ADK: variants seen among roughly 807,000 people sequenced by gnomAD.
ADK encodes the protein N6,N6-dimethyladenosine kinase.
In ADK, 24 loss-of-function variants were observed where a neutral mutation model predicts 44.7. That is an observed-to-expected ratio of 0.54 (90% CI 0.39 to 0.76). The LOEUF (loss-of-function observed/expected upper bound fraction) is 0.76, where lower values mean the gene tolerates loss of function less well. ADK is among the 30% of genes least tolerant of loss of function. The pLI is 0.00. For missense variants in ADK, 321 were observed against 425.1 expected (o/e 0.76, Z 2.15); for synonymous variants, 128 against 142.6 (o/e 0.90, Z 0.73).
At chr10:74,499,633 A>T (rs1847822180) in intron 6 of ADK, among the ~76,000 whole-genome samples, 1 of 152,056 alleles carries the variant, frequency 6.6e-6, no homozygotes, top group South Asian at 2.1e-4. Context: ...GCTTGCAGTG[A>T]GCAGAGATCG....
intron 4 of ADK, among the ~76,000 whole-genome samples, chr10:74,363,348 C>T (rs763762144): frequency 4.6e-5 from 7 of 152,144 alleles, no homozygotes; most frequent in Non-Finnish European, 7.4e-5. Context: ...GTGTGCATCG[C>T]CCTGAATGTT....
intron 6 of ADK, among the ~76,000 whole-genome samples, chr10:74,411,499 G>T (rs115289572): frequency 0.014 from 2,147 of 152,296 alleles, 62 homozygotes; most frequent in African/African-American, 0.046. Context: ...ACTCTCAAGT[G>T]TGTGGTAGCA....
chr10:74,669,856 C>T (rs1855105659), intron 9 of ADK, among the ~76,000 whole-genome samples: 1 of 152,154 alleles, frequency 6.6e-6, no homozygotes, highest in Admixed American at 6.5e-5. Flanking sequence ...ACCAACACTT[C>T]CTTTAGTTTA....
chr10:74,325,290 T>C (rs1407372306), intron 4 of ADK, among the ~76,000 whole-genome samples: 1 of 152,216 alleles, frequency 6.6e-6, no homozygotes. Context: ...TTTTTTCAGA[T>C]AGTTTGTGGT....
At chr10:74,517,707 G>A (rs1431782792) in intron 6 of ADK, among the ~76,000 whole-genome samples, 1 of 150,094 alleles carries the variant, frequency 6.7e-6, no homozygotes, top group Non-Finnish European at 1.5e-5. Context: ...AAAAAAAAGA[G>A]TAAAAGATAT....
intron 7 of ADK, among the ~76,000 whole-genome samples, chr10:74,584,372 G>C (rs959891395): frequency 5.3e-5 from 8 of 152,170 alleles, no homozygotes; most frequent in African/African-American, 1.9e-4. Flanking sequence ...TTGATGTACT[G>C]AGTGACTGGC....
At chr10:74,675,007 A>G (rs1253309454) in intron 10 of ADK, among the ~76,000 whole-genome samples, 2 of 152,134 alleles carry the variant, frequency 1.3e-5, no homozygotes, top group African/African-American at 4.8e-5. Context: ...TCATTGCCCA[A>G]TTAACATATC....
At chr10:74,674,231 T>C (rs1855298082) in intron 10 of ADK, among the ~76,000 whole-genome samples, 2 of 152,118 alleles carry the variant, frequency 1.3e-5, no homozygotes, top group South Asian at 2.1e-4. Flanking sequence ...CTGATGCATC[T>C]ATCTTACAAC....
intron 2 of ADK, among the ~76,000 whole-genome samples, chr10:74,203,410 G>A (rs1843469504): frequency 6.6e-6 from 1 of 151,994 alleles, no homozygotes; most frequent in South Asian, 2.1e-4. Flanking sequence ...CCAGGATGGG[G>A]TGCAGTGATG....
rs114485850 is a variant in ADK at position 74,202,428 on chromosome 10, T to A, written c.140+1590T>A. On this transcript the variant is annotated intron_variant, in intron 2 of 10. Transcript: ENST00000539909. ...GAACAATGCTTCTTATGAATATTCA[T>A]GTATAAGCTTTTGTGTAGGAATGTG... is the stretch of plus-strand genomic sequence containing the variant. 1.9e-3 allele frequency among the ~76,000 whole-genome samples: 297 copies of A among 152,314 alleles called. 3 individuals are homozygous for A. Among genetic ancestry groups the A allele is most frequent in the African/African-American group, 6.9e-3 (286 of 41,580 alleles).
At chr10:74,614,051 G>T (rs1413890554) in intron 9 of ADK, among the ~76,000 whole-genome samples, 1 of 152,096 alleles carries the variant, frequency 6.6e-6, no homozygotes, top group Non-Finnish European at 1.5e-5. Flanking sequence ...TCCATTTTTA[G>T]ATTATTGTAA....
At chr10:74,205,675 CA>C (rs11419041) in intron 2 of ADK, among the ~76,000 whole-genome samples, 132 of 85,314 alleles carry the variant, frequency 1.5e-3, no homozygotes, top group South Asian at 9.6e-3. Context: ...GAATCTGTCT[CA>C]AAAAAAAAAA....
intron 3 of ADK, among the ~76,000 whole-genome samples, chr10:74,284,327 C>T (rs541885032): frequency 6.7e-5 from 10 of 150,286 alleles, no homozygotes; most frequent in Non-Finnish European, 7.4e-5. Flanking sequence ...TGCAATGGCA[C>T]GATCTCGGCT....
chr10:74,518,236 A>G (rs1848670552), intron 6 of ADK, among the ~76,000 whole-genome samples: 1 of 152,252 alleles, frequency 6.6e-6, no homozygotes, highest in Admixed American at 6.5e-5. Context: ...TCTTCAGAAC[A>G]GACGACAGTG....
intron 7 of ADK, among the ~76,000 whole-genome samples, chr10:74,541,910 G>A (rs1849654967): frequency 6.7e-6 from 1 of 149,702 alleles, no homozygotes. Context: ...TTGATCACAT[G>A]GTTAAGAAAA....
chr10:74,424,535 C>CAAAAAAAAA lies in ADK; in HGVS notation c.555+25981_555+25989dup, dbSNP rs57106986. ...GGGCAACAAGAGCAAAACTCCGTCT[C>CAAAAAAAAA]AAAAAAAAAAAAAAAAAAAAAAAAA... is the stretch of plus-strand genomic sequence containing the variant. On this transcript the variant is annotated intron_variant, in intron 6 of 10. Transcript: ENST00000539909. Among the ~76,000 whole-genome samples the CAAAAAAAAA allele has an allele frequency of 4.6e-4, 27 of 58,460 alleles. 2 individuals are homozygous for CAAAAAAAAA. Among genetic ancestry groups the CAAAAAAAAA allele is most frequent in the African/African-American group, 1.4e-3 (19 of 13,736 alleles). The allele number at this position is 58,460 out of a possible 152,430, so 38.4% of individuals were successfully genotyped here. A position where few individuals can be genotyped will look rare whatever the true frequency, so the allele number is the denominator to read the frequency against.
At chr10:74,261,409 T>C (rs941703672) in intron 3 of ADK, among the ~76,000 whole-genome samples, 2 of 152,234 alleles carry the variant, frequency 1.3e-5, no homozygotes, top group Admixed American at 6.5e-5. Flanking sequence ...CAAGGAGTTG[T>C]CTTACTCTTT....
chr10:74,442,763 G>C (rs759202212), intron 6 of ADK, among the ~76,000 whole-genome samples: 3 of 152,158 alleles, frequency 2.0e-5, no homozygotes, highest in Non-Finnish European at 4.4e-5. Context: ...AATACCCTAG[G>C]AGTCTGTCAA....
intron 6 of ADK, among the ~76,000 whole-genome samples, chr10:74,461,876 C>A (rs932236690): frequency 5.9e-5 from 9 of 151,880 alleles, no homozygotes; most frequent in African/African-American, 2.2e-4. Context: ...ATGTTATGGC[C>A]AGTTAACTAA....
Sources: gnomAD v4.1 joint callset for allele counts (sites outside exome capture counted in the v4.1 genomes callset) on GRCh38, gnomAD v4.1.1 for gene constraint, MANE v1.5 for transcripts, NCBI Gene and HGNC (gene_info 2026-07-23, HGNC 2026-07-21) for gene names.